OXCT1: variants seen among roughly 807,000 people sequenced by gnomAD.
The protein encoded by OXCT1 is 3-oxoacid CoA-transferase 1.
In OXCT1, 27 loss-of-function variants were observed where a neutral mutation model predicts 69.6. That is an observed-to-expected ratio of 0.39 (90% CI 0.29 to 0.54). The LOEUF is 0.54. OXCT1 is among the 20% of genes least tolerant of loss of function. The pLI is 0.72. For synonymous variants in OXCT1, 202 were observed against 217.8 expected (o/e 0.93, Z 0.64); for missense variants, 437 against 650.2 (o/e 0.67, Z 3.57).
At chr5:41,753,480 G>A (rs1743912559) in intron 14 of OXCT1, among the ~76,000 whole-genome samples, 1 of 152,054 alleles carries the variant, frequency 6.6e-6, no homozygotes. Flanking sequence ...CTGTTAGCTG[G>A]AACACATACC....
At chr5:41,846,523 G>T (rs1208452899) in intron 5 of OXCT1, among the ~76,000 whole-genome samples, 4 of 149,372 alleles carry the variant, frequency 2.7e-5, no homozygotes, top group African/African-American at 9.9e-5. Context: ...TCTTAATCCA[G>T]TCTATCATTG....
intron 14 of OXCT1, among the ~76,000 whole-genome samples, chr5:41,760,846 T>C (rs1232176625): frequency 1.3e-5 from 2 of 152,172 alleles, no homozygotes; most frequent in Non-Finnish European, 2.9e-5. Flanking sequence ...ACTCAATTTA[T>C]GATAACACAT....
chr5:41,809,183 G>C (rs1310140639), intron 7 of OXCT1, among the ~76,000 whole-genome samples: 2 of 151,932 alleles, frequency 1.3e-5, no homozygotes, highest in African/African-American at 4.8e-5. Context: ...TATACCTACA[G>C]AAAATAAAAG....
intron 13 of OXCT1, among the ~76,000 whole-genome samples, chr5:41,781,523 C>G (rs1745399388): frequency 6.6e-6 from 1 of 151,696 alleles, no homozygotes; most frequent in Admixed American, 6.6e-5. Context: ...AAATGTGTGC[C>G]ATGGTGTTTT....
intron 7 of OXCT1, among the ~76,000 whole-genome samples, chr5:41,821,559 C>A (rs1032749809): frequency 6.6e-6 from 1 of 152,144 alleles, no homozygotes; most frequent in African/African-American, 2.4e-5. Context: ...TAGCATTTTG[C>A]ATTCTCACCA....
intron 5 of OXCT1, 39 bp downstream of exon 5, chr5:41,849,991 G>C: frequency 6.2e-7 from 1 of 1,609,360 alleles, no homozygotes; most frequent in Middle Eastern, 1.7e-4. Flanking sequence ...CACGTGGAAA[G>C]AGGGATCCTG....
chr5:41,833,384 T>C (rs1278385799), intron 7 of OXCT1, among the ~76,000 whole-genome samples: 1 of 152,136 alleles, frequency 6.6e-6, no homozygotes, highest in Non-Finnish European at 1.5e-5. Context: ...AAGAAACTTT[T>C]GCCCTAGAAT....
intron 1 of OXCT1, among the ~76,000 whole-genome samples, chr5:41,866,025 C>G (rs905380827): frequency 1.4e-5 from 2 of 138,962 alleles, no homozygotes; most frequent in East Asian, 4.1e-4. Context: ...ACAGTAGACC[C>G]CCCCCCCCAC....
intron 7 of OXCT1, among the ~76,000 whole-genome samples, chr5:41,838,175 G>A (rs1333896947): frequency 7.2e-5 from 11 of 152,116 alleles, no homozygotes; most frequent in East Asian, 1.9e-4. Flanking sequence ...CGCAGGTAAC[G>A]GAGTGCATAG....
At chr5:41,739,160 G>C (rs1197864175) in intron 16 of OXCT1, among the ~76,000 whole-genome samples, 1 of 152,162 alleles carries the variant, frequency 6.6e-6, no homozygotes, top group African/African-American at 2.4e-5. Context: ...GCTCCTGGTG[G>C]TGTGTCCCCT....
At position 41,730,570 on chromosome 5, in the gene OXCT1, T is replaced by TA. The variant is rs1214741276; in HGVS notation, c.*1158dup. 1.3e-5 allele frequency: 2 copies of TA among 152,224 alleles called. No homozygotes were observed. Among genetic ancestry groups the TA allele is most frequent in the Non-Finnish European group, 2.9e-5 (2 of 68,036 alleles). 9.4% of individuals were successfully genotyped at this position (152,224 alleles called of 1,614,324 possible). ...TGTTCTTCAGGGTGCCTAGACTTTT[T>TA]ACCCATCTATTATCCGGGATGCTTC... On this transcript the variant is annotated 3_prime_UTR_variant, in exon 17 of 17. Coordinates refer to ENST00000196371, the MANE Select transcript of OXCT1 (RefSeq NM_000436.4).
At chr5:41,779,558 A>T (rs1402116070) in intron 13 of OXCT1, among the ~76,000 whole-genome samples, 2 of 152,170 alleles carry the variant, frequency 1.3e-5, no homozygotes, top group Non-Finnish European at 2.9e-5. Flanking sequence ...CAAAGCTAAA[A>T]CTAGAATTCA....
intron 7 of OXCT1, among the ~76,000 whole-genome samples, chr5:41,808,929 G>C (rs1405577597): frequency 6.6e-6 from 1 of 152,024 alleles, no homozygotes; most frequent in Non-Finnish European, 1.5e-5. Flanking sequence ...CCTGAGGATA[G>C]ACATGAAGAT....
chr5:41,744,761 G>T (rs981362904), intron 15 of OXCT1, among the ~76,000 whole-genome samples: 2 of 151,930 alleles, frequency 1.3e-5, no homozygotes, highest in African/African-American at 4.8e-5. Flanking sequence ...AAAAAAGGCA[G>T]GGGTTGCAAT....
At chr5:41,817,290 G>A (rs755349641) in intron 7 of OXCT1, among the ~76,000 whole-genome samples, 6 of 152,092 alleles carry the variant, frequency 3.9e-5, no homozygotes, top group Admixed American at 6.6e-5. Flanking sequence ...AGAAGACATC[G>A]ATTTGTGGTT....
At chr5:41,781,923 A>G (rs1291289100) in intron 13 of OXCT1, among the ~76,000 whole-genome samples, 4 of 152,130 alleles carry the variant, frequency 2.6e-5, no homozygotes, top group Non-Finnish European at 4.4e-5. Flanking sequence ...CATAACACAC[A>G]CGTTTCTTTA....
intron 7 of OXCT1, among the ~76,000 whole-genome samples, chr5:41,809,846 A>T (rs987682649): frequency 6.6e-6 from 1 of 152,072 alleles, no homozygotes; most frequent in Non-Finnish European, 1.5e-5. Flanking sequence ...ATAAGCAAGA[A>T]TCTAGCTAAA....
intron 14 of OXCT1, among the ~76,000 whole-genome samples, chr5:41,756,150 G>A (rs1460820722): frequency 6.6e-6 from 1 of 151,948 alleles, no homozygotes. Context: ...ACCTCCTATT[G>A]TAATACAAAA....
At chr5:41,847,086 G>T (rs1748946895) in intron 5 of OXCT1, among the ~76,000 whole-genome samples, 1 of 151,732 alleles carries the variant, frequency 6.6e-6, no homozygotes, top group African/African-American at 2.4e-5. Context: ...AATAAAAAAT[G>T]ATAAAGGGGA....
Sources: gnomAD v4.1 joint callset for allele counts (sites outside exome capture counted in the v4.1 genomes callset) on GRCh38, gnomAD v4.1.1 for gene constraint, MANE v1.5 for transcripts, NCBI Gene and HGNC (gene_info 2026-07-23, HGNC 2026-07-21) for gene names.